ATRNL1: variants seen among roughly 807,000 people sequenced by gnomAD.
The protein encoded by ATRNL1 is attractin-like protein 1.
Under a neutral mutation model 182.7 loss-of-function variants are expected in ATRNL1, and 95 were observed. That is an observed-to-expected ratio of 0.52 (90% CI 0.44 to 0.62). The LOEUF (loss-of-function observed/expected upper bound fraction) is 0.62, where lower values mean the gene tolerates loss of function less well. ATRNL1 is among the 20% of genes least tolerant of loss of function. The pLI is 0.00. For missense variants in ATRNL1, 1,471 were observed against 1,679.5 expected (o/e 0.88, Z 2.17); for synonymous variants, 576 against 568.3 (o/e 1.01, Z -0.19).
intron 10 of ATRNL1, among the ~76,000 whole-genome samples, chr10:115,264,603 A>G (rs1302477194): frequency 2.0e-5 from 3 of 151,482 alleles, no homozygotes; most frequent in African/African-American, 4.8e-5. Flanking sequence ...ACCACTTTCC[A>G]TAGTTTCTAT....
chr10:115,325,567 CAT>C (rs1554932932), intron 18 of ATRNL1, among the ~76,000 whole-genome samples: 1 of 152,130 alleles, frequency 6.6e-6, no homozygotes, highest in African/African-American at 2.4e-5. Context: ...CTTTCTGCAT[CAT>C]ATATAGACCA....
chr10:115,395,533 A>T (rs1306687996), intron 20 of ATRNL1, among the ~76,000 whole-genome samples: 1 of 151,796 alleles, frequency 6.6e-6, no homozygotes, highest in African/African-American at 2.4e-5. Context: ...CTTTCATATT[A>T]TACCTAATAT....
At chr10:115,581,593 A>G (rs146043771) in intron 26 of ATRNL1, among the ~76,000 whole-genome samples, 214 of 152,282 alleles carry the variant, frequency 1.4e-3, no homozygotes, top group African/African-American at 4.6e-3. Context: ...ATATATGTGC[A>G]TATGTATAAT....
At chr10:115,732,959 C>A (rs1259084591) in intron 27 of ATRNL1, among the ~76,000 whole-genome samples, 3 of 152,194 alleles carry the variant, frequency 2.0e-5, no homozygotes, top group South Asian at 2.1e-4. Flanking sequence ...CAGCAGTTAT[C>A]CATTGTAATC....
intron 26 of ATRNL1, among the ~76,000 whole-genome samples, chr10:115,567,364 T>C (rs1248781134): frequency 6.6e-6 from 1 of 152,172 alleles, no homozygotes; most frequent in Non-Finnish European, 1.5e-5. Context: ...TTGATGTGTA[T>C]TGGGATAAGT....
intron 28 of ATRNL1, among the ~76,000 whole-genome samples, chr10:115,875,960 A>C (rs1951690677): frequency 6.6e-6 from 1 of 152,190 alleles, no homozygotes; most frequent in African/African-American, 2.4e-5. Flanking sequence ...AAAGACTAAA[A>C]GGATGAGTGT....
intron 26 of ATRNL1, among the ~76,000 whole-genome samples, chr10:115,550,548 A>G (rs111759176): frequency 6.6e-6 from 1 of 152,010 alleles, no homozygotes; most frequent in South Asian, 2.1e-4. Flanking sequence ...CCTGTCTTCA[A>G]ATAAATCATT....
chr10:115,608,256 A>G (rs1856973093), intron 26 of ATRNL1, among the ~76,000 whole-genome samples: 1 of 152,064 alleles, frequency 6.6e-6, no homozygotes, highest in South Asian at 2.1e-4. Context: ...TGTGATATAA[A>G]TCAGTTAACA....
intron 26 of ATRNL1, among the ~76,000 whole-genome samples, chr10:115,615,211 T>C (rs536696011): frequency 1.3e-5 from 2 of 152,224 alleles, no homozygotes; most frequent in South Asian, 4.1e-4. Flanking sequence ...TTTTTATGCT[T>C]TTTGAGTGTT....
chr10:115,215,779 A>T lies in ATRNL1; in HGVS notation c.1431A>T (p.Ile477=). The change falls in exon 9 of 29, where the codon ATA becomes ATT. Residue 477 remains isoleucine, a synonymous_variant. Transcript: ENST00000355044. Reference sequence around the variant, plus strand: ...GCCATACTAGTGTGTATGATGAAATAACAAAGTCCATTTATGTTCATGGAG... The same window carrying T: ...GCCATACTAGTGTGTATGATGAAATTACAAAGTCCATTTATGTTCATGGAG... The part of the protein sequence containing the change: ...GYGHTSVYDE[I]TKSIYVHGGY... 1 of 1,610,034 alleles carries T rather than the reference A, an allele frequency of 6.2e-7. No individual in the cohort carries two copies. Among genetic ancestry groups the T allele is most frequent in the Non-Finnish European group, 8.5e-7 (1 of 1,178,474 alleles).
chr10:115,169,775 G>A (rs1847212431), intron 7 of ATRNL1, among the ~76,000 whole-genome samples: 1 of 151,958 alleles, frequency 6.6e-6, no homozygotes, highest in Non-Finnish European at 1.5e-5. Flanking sequence ...CATAAACATG[G>A]GATGTCTTTT....
At chr10:115,638,982 T>C (rs1859062179) in intron 26 of ATRNL1, among the ~76,000 whole-genome samples, 1 of 152,090 alleles carries the variant, frequency 6.6e-6, no homozygotes, top group African/African-American at 2.4e-5. Context: ...GAAAGAATAT[T>C]TGAGGAAATA....
At chr10:115,123,524 A>G (rs1844831904) in intron 3 of ATRNL1, among the ~76,000 whole-genome samples, 1 of 152,168 alleles carries the variant, frequency 6.6e-6, no homozygotes, top group Non-Finnish European at 1.5e-5. Flanking sequence ...AATTACAGAG[A>G]CTGTGTCACA....
intron 24 of ATRNL1, among the ~76,000 whole-genome samples, chr10:115,509,201 A>G (rs1381643417): frequency 6.6e-6 from 1 of 152,080 alleles, no homozygotes; most frequent in Non-Finnish European, 1.5e-5. Flanking sequence ...ACTGCTTAGA[A>G]AAAAAAGACT....
intron 26 of ATRNL1, among the ~76,000 whole-genome samples, chr10:115,576,172 A>G (rs1555005136): frequency 6.6e-6 from 1 of 151,958 alleles, no homozygotes; most frequent in African/African-American, 2.4e-5. Flanking sequence ...TATCCTGGCT[A>G]TTGTGGATAA....
At chr10:115,540,657 G>A (rs1349190996) in intron 25 of ATRNL1, among the ~76,000 whole-genome samples, 3 of 151,808 alleles carry the variant, frequency 2.0e-5, no homozygotes, top group African/African-American at 7.3e-5. Flanking sequence ...CTACTTGGGA[G>A]GCTGAGGCAG....
Position 115,871,547 on chromosome 10 carries a change from G to A in ATRNL1, c.4018+23556G>A, listed in dbSNP as rs147043491. ...CATTTGAAATCTAATTCCACTGCAT[G>A]ATCCAGATGAATAAATAAGCTAAAT... On this transcript the variant is annotated intron_variant, in intron 28 of 28. Transcript: ENST00000355044. Among the ~76,000 whole-genome samples, 574 of 149,140 alleles carry A rather than the reference G, an allele frequency of 3.8e-3. 4 individuals are homozygous for A. The highest frequency in any genetic ancestry group is 0.013 in the African/African-American group (545 of 40,642).
intron 6 of ATRNL1, among the ~76,000 whole-genome samples, chr10:115,160,707 C>T (rs1592190589): frequency 6.6e-6 from 1 of 151,862 alleles, no homozygotes; most frequent in Non-Finnish European, 1.5e-5. Flanking sequence ...TTGTTCTCTG[C>T]ATGATTGGAT....
chr10:115,822,122 A>C, intron 27 of ATRNL1, among the ~76,000 whole-genome samples: 1 of 152,256 alleles, frequency 6.6e-6, no homozygotes, highest in East Asian at 1.9e-4. Context: ...AGGATTAAGA[A>C]ACTCACTCAA....
Sources: gnomAD v4.1 joint callset for allele counts (sites outside exome capture counted in the v4.1 genomes callset) on GRCh38, gnomAD v4.1.1 for gene constraint, MANE v1.5 for transcripts, NCBI Gene and HGNC (gene_info 2026-07-23, HGNC 2026-07-21) for gene names.